Variants in ALG3 observed in about 807,000 individuals in gnomAD.
ALG3 encodes ALG3 alpha-1,3- mannosyltransferase.
Under a neutral mutation model 50.5 loss-of-function variants are expected in ALG3, and 39 were observed. The ratio of observed to expected loss-of-function variants is 0.77; its 90% CI spans 0.60 to 1.01. The LOEUF is 1.01. ALG3 is among the 50% of genes least tolerant of loss of function. The probability of loss-of-function intolerance (pLI) is 0.00; values close to 1 mark genes in which losing one functional copy is unlikely to be tolerated. For missense variants in ALG3, 520 were observed against 554.8 expected, an observed-to-expected ratio of 0.94 and a Z score of 0.63; for synonymous variants, 252 against 237.2, an observed-to-expected ratio of 1.06 and a Z score of -0.58.
intron 1 of ALG3, among the ~76,000 whole-genome samples, chr3:184,248,447 A>AAGCAGC (rs57637320): frequency 2.0e-5 from 3 of 151,822 alleles, no homozygotes; most frequent in East Asian, 1.9e-4. Context: ...CCACAGAGAA[A>AAGCAGC]AGCAGCAGCA....
chr3:184,246,638 T>TA (rs1194755119), intron 1 of ALG3, among the ~76,000 whole-genome samples: 2 of 151,904 alleles, frequency 1.3e-5, no homozygotes, highest in African/African-American at 2.4e-5. Context: ...ACTCTAGCTC[T>TA]AAAAAAATCA....
Position 184,242,560 on chromosome 3 carries a change from G to A in ALG3, c.1271C>T (p.Pro424Leu), listed in dbSNP as rs79144888. The A allele has an allele frequency of 6.4e-4, 1,037 of 1,610,696 alleles. 13 individuals carry two copies. The East Asian group carries it at 0.017, about 27-fold the overall frequency. ...AVILLQLWLG[P>L]QPFPKSTQHS... is the part of the protein sequence containing the mutation. ...TTGGGTGCTCTTGGGGAAAGGCTGC[G>A]GGCCCAGCCAGAGCTGCAGCAGGAT... The change falls in exon 9 of 9, where the codon CCG (proline) becomes CTG (leucine). Residue 424 changes from proline to leucine, a missense_variant. Physicochemically the swap from Pro to Leu is moderately conservative, Grantham distance 98. This residue lies in a region of ALG3 where 224 missense variants were observed against 272.8 expected (regional missense o/e 0.82). Coordinates refer to ENST00000397676, the MANE Select transcript of ALG3 (RefSeq NM_005787.6).
Position 184,242,837 on chromosome 3 carries a change from G to T in ALG3, c.1130C>A (p.Ala377Glu), listed in dbSNP as rs762716163. 19 of 1,613,824 alleles carry T rather than the reference G, an allele frequency of 1.2e-5. No individual in the cohort carries two copies. The highest frequency in any genetic ancestry group is 1.1e-5 in the South Asian group (1 of 91,094). ...TLPYLLWAMP[A>E]RWLTHLLRLL... ...CCTGAGCAGGTGTGTGAGCCAGCGTGCAGGCATGGCCCACAGGAGGTAGGG... is the reference window on the plus strand; with the variant it reads ...CCTGAGCAGGTGTGTGAGCCAGCGTTCAGGCATGGCCCACAGGAGGTAGGG... Residue 377 changes from alanine to glutamate, a missense_variant, in exon 8 of 9, where the codon GCA becomes GAA. This residue lies in a region of ALG3 where 224 missense variants were observed against 272.8 expected (regional missense o/e 0.82). Transcript: ENST00000397676.
At chr3:184,248,062 G>T (rs1719267789) in intron 1 of ALG3, among the ~76,000 whole-genome samples, 1 of 147,022 alleles carries the variant, frequency 6.8e-6, no homozygotes, top group Admixed American at 6.8e-5. Context: ...CACCGTGTTA[G>T]CCAGGATGGC....
At position 184,245,595 on chromosome 3, in the gene ALG3, T is replaced by C. The variant is rs759737007; in HGVS notation, c.317A>G (p.Tyr106Cys). The C allele has an allele frequency of 1.9e-6, 3 of 1,613,280 alleles. No individual in the cohort carries two copies. The East Asian group carries it at 6.7e-5, about 36-fold the overall frequency. ...GPLVYPAGFV[Y>C]IFMGLYYATS... ...GGCATAGTACAACCCCATAAAGATGTACACGAAACCAGCTGGGTACCTGGA... is the reference window on the plus strand; with the variant it reads ...GGCATAGTACAACCCCATAAAGATGCACACGAAACCAGCTGGGTACCTGGA... The change falls in exon 3 of 9, where the codon TAC becomes TGC. Residue 106 changes from tyrosine (Y) to cysteine (C), a missense_variant. By Grantham distance (194) the Tyr-to-Cys change is radical. Around this residue, in one of 3 missense-constraint regions of ALG3, gnomAD observed 290 missense variants for 265.9 expected, o/e 1.09. Coordinates refer to ENST00000397676, the MANE Select transcript of ALG3 (RefSeq NM_005787.6).
intron 1 of ALG3, among the ~76,000 whole-genome samples, chr3:184,246,239 T>C (rs1719143826): frequency 6.6e-6 from 1 of 152,208 alleles, no homozygotes; most frequent in South Asian, 2.1e-4. Context: ...CTAGCCCCAA[T>C]GAGTATACAA....
Position 184,248,947 on chromosome 3 carries a change from G to A in ALG3, c.-7C>T, listed in dbSNP as rs752839364. Reference sequence around the variant, plus strand: ...TCCGCAGCCCAGCCGCCATCTTAACGGTGCGCCGCTTGTGTGGGCCCACCA... The same window carrying A: ...TCCGCAGCCCAGCCGCCATCTTAACAGTGCGCCGCTTGTGTGGGCCCACCA... On this transcript the variant is annotated 5_prime_UTR_variant, in exon 1 of 9. Coordinates refer to ENST00000397676, the MANE Select transcript of ALG3 (RefSeq NM_005787.6). The A allele has an allele frequency of 2.5e-6, 4 of 1,572,448 alleles. No homozygotes were observed. Among genetic ancestry groups the A allele is most frequent in the South Asian group, 1.1e-5 (1 of 87,194 alleles).
At chr3:184,249,183 C>T (rs1199530124), upstream of ALG3, 1 of 1,602,632 alleles carries the variant, frequency 6.2e-7, no homozygotes, top group East Asian at 2.3e-5. Flanking sequence ...TACACAGGCG[C>T]TAATTTAGAA....
chr3:184,244,360 C>G (rs976626943), intron 5 of ALG3: 12 of 552,428 alleles, frequency 2.2e-5, no homozygotes, highest in African/African-American at 9.4e-5. Flanking sequence ...CCTGGGCAAC[C>G]CAGCAAGAGC....
At chr3:184,246,506 T>G (rs1341962218) in intron 1 of ALG3, among the ~76,000 whole-genome samples, 1 of 152,166 alleles carries the variant, frequency 6.6e-6, no homozygotes, top group Non-Finnish European at 1.5e-5. Flanking sequence ...GGATTGAAGC[T>G]TGCAGGGTCC....
chr3:184,244,183 T>C, intron 5 of ALG3, 187 bp from the exon 6 acceptor site: 1 of 616,144 alleles, frequency 1.6e-6, no homozygotes, highest in East Asian at 2.8e-5. Context: ...CCAAAGAAGC[T>C]CAGGAGGCAG....
At chr3:184,244,887 G>A (rs1719044698) in intron 4 of ALG3, 166 bp from the exon 5 acceptor site, 2 of 971,708 alleles carry the variant, frequency 2.1e-6, no homozygotes, top group Admixed American at 2.4e-5. Flanking sequence ...GAAGAGCCTG[G>A]AGTAGGCAGG....
At chr3:184,244,559 GC>G (rs750396351) in intron 5 of ALG3, 41 bp downstream of exon 5, 8 of 1,589,200 alleles carry the variant, frequency 5.0e-6, no homozygotes, top group Non-Finnish European at 6.9e-6. Context: ...AAGACAAGTG[GC>G]TTCTCCTTGA....
intron 6 of ALG3, 44 bp from the exon 7 acceptor site, chr3:184,243,674 G>A (rs1356210868): frequency 1.3e-5 from 21 of 1,610,096 alleles, no homozygotes; most frequent in Non-Finnish European, 1.8e-5. Flanking sequence ...CCTTTTGTGA[G>A]TCAAACTCTA....
chr3:184,248,712 T>G, intron 1 of ALG3, 33 bp downstream of exon 1: 7 of 679,024 alleles, frequency 1.0e-5, no homozygotes, highest in Non-Finnish European at 1.5e-5. Context: ...CAGGTCTCCC[T>G]CCCTCCCCTC....
rs1719024553 is a variant in ALG3 at position 184,244,600 on chromosome 3, C to T, written c.726+1G>A. ...AAAGAGGAAGGGTGAGATGGGGGTA[C>T]CTGAAGGCCAGCACAGATTCCCAGC... On this transcript the variant is annotated splice_donor_variant, in intron 5 of 8. Transcript: ENST00000397676. LOFTEE classifies it high-confidence loss of function. 7 of 1,608,198 alleles carry T rather than the reference C, an allele frequency of 4.4e-6. No homozygotes were observed. Among genetic ancestry groups the T allele is most frequent in the Non-Finnish European group, 5.9e-6 (7 of 1,177,496 alleles).
Position 184,245,212 on chromosome 3 carries a change from AC to A in ALG3, c.590del (p.Gly197ValfsTer11). The A allele has an allele frequency of 1.2e-6, 2 of 1,613,636 alleles. No individual in the cohort carries two copies. Among genetic ancestry groups the A allele is most frequent in the Non-Finnish European group, 1.7e-6 (2 of 1,179,836 alleles). On this transcript the variant is annotated frameshift_variant, in exon 4 of 9. Transcript: ENST00000397676. LOFTEE classifies it high-confidence loss of function. ...GAGGTGTTGACCTGAAAAAGCAGCA[AC>A]CCCAGCCCCAGCGCTGGGCCAGCAG... ...NLLLAQRWGW[G>X]CCFFSLAVSV...
chr3:184,242,462 C>A lies in ALG3; in HGVS notation c.*52G>T. On this transcript the variant is annotated 3_prime_UTR_variant, in exon 9 of 9. Transcript: ENST00000397676. ...GTTTATTTGGAAGGGCAGAGTCCAA[C>A]CAACCCCAGGTCCTGAGGGTAGACT... 2 of 1,587,072 alleles carry A rather than the reference C, an allele frequency of 1.3e-6. No homozygotes were observed. Among genetic ancestry groups the A allele is most frequent in the Non-Finnish European group, 8.6e-7 (1 of 1,165,996 alleles).
At chr3:184,248,704 G>C (rs1719325606) in intron 1 of ALG3, 41 bp downstream of exon 1, 3 of 1,475,642 alleles carry the variant, frequency 2.0e-6, no homozygotes, top group South Asian at 2.6e-5. Context: ...CGCGGGTTCA[G>C]GTCTCCCTCC....
Sources: gnomAD v4.1 joint callset for allele counts (sites outside exome capture counted in the v4.1 genomes callset) on GRCh38, gnomAD v4.1.1 for gene constraint, gnomAD v4.1.1 regional missense constraint, MANE v1.5 for transcripts, NCBI Gene and HGNC (gene_info 2026-07-23, HGNC 2026-07-21) for gene names.